Variants in EPHA5 observed in about 807,000 individuals in gnomAD.
EPHA5 encodes the protein ephrin type-A receptor 5.
EPHA5 carries 60 observed loss-of-function variants against 105.0 expected under a neutral mutation model. The observed-to-expected ratio is 0.57, with a 90% CI of 0.46 to 0.71. The LOEUF (loss-of-function observed/expected upper bound fraction) is 0.71, where lower values mean the gene tolerates loss of function less well. EPHA5 is among the 30% of genes least tolerant of loss of function. The pLI is 0.00. For missense variants in EPHA5, 1,218 were observed against 1,274.7 expected (o/e 0.96, Z 0.68); for synonymous variants, 513 against 449.1 (o/e 1.14, Z -1.80).
intron 3 of EPHA5, among the ~76,000 whole-genome samples, chr4:65,499,379 C>A (rs1162402559): frequency 6.6e-6 from 1 of 151,542 alleles, no homozygotes; most frequent in Non-Finnish European, 1.5e-5. Context: ...CAAAACAAAA[C>A]AAACAACAAA....
chr4:65,644,554 G>A (rs1260234056), intron 1 of EPHA5, among the ~76,000 whole-genome samples: 1 of 152,024 alleles, frequency 6.6e-6, no homozygotes, highest in Non-Finnish European at 1.5e-5. Context: ...TTGTGTAAGT[G>A]TAAGCCTAAA....
intron 3 of EPHA5, among the ~76,000 whole-genome samples, chr4:65,593,555 T>G: frequency 6.6e-6 from 1 of 152,224 alleles, no homozygotes; most frequent in East Asian, 1.9e-4. Flanking sequence ...GCTGAGATTC[T>G]TCCTTTCTAA....
At chr4:65,609,173 T>C (rs945427753) in intron 2 of EPHA5, among the ~76,000 whole-genome samples, 10 of 152,204 alleles carry the variant, frequency 6.6e-5, no homozygotes, top group Non-Finnish European at 1.5e-4. Flanking sequence ...GTTTCTGTTT[T>C]AGAAATTCAA....
intron 8 of EPHA5, among the ~76,000 whole-genome samples, chr4:65,368,893 A>G (rs1164140836): frequency 6.6e-6 from 1 of 152,154 alleles, no homozygotes; most frequent in Non-Finnish European, 1.5e-5. Flanking sequence ...TTTCTTCCTA[A>G]CAATTTCCAA....
At chr4:65,390,662 A>G (rs546623991) in intron 8 of EPHA5, among the ~76,000 whole-genome samples, 2 of 152,204 alleles carry the variant, frequency 1.3e-5, no homozygotes, top group African/African-American at 4.8e-5. Context: ...AAATGATAAT[A>G]TGTTATTTAA....
intron 7 of EPHA5, among the ~76,000 whole-genome samples, chr4:65,411,398 T>C (rs1311393540): frequency 2.0e-5 from 3 of 152,060 alleles, no homozygotes; most frequent in Admixed American, 6.6e-5. Flanking sequence ...AAATAAATTA[T>C]ATAAAAATGC....
At chr4:65,630,092 CA>C (rs1160406105) in intron 2 of EPHA5, among the ~76,000 whole-genome samples, 1 of 151,948 alleles carries the variant, frequency 6.6e-6, no homozygotes, top group Non-Finnish European at 1.5e-5. Context: ...CACACACACA[CA>C]CACACACACA....
chr4:65,609,076 G>T (rs1333428628), intron 2 of EPHA5, among the ~76,000 whole-genome samples: 2 of 152,052 alleles, frequency 1.3e-5, no homozygotes, highest in African/African-American at 4.8e-5. Context: ...AAAAAAATGG[G>T]CAATCCATTG....
rs544562279 is a variant in EPHA5 at position 65,546,231 on chromosome 4, A to G, written c.911-50688T>C. Among the ~76,000 whole-genome samples, 4 of 152,112 alleles carry G rather than the reference A, an allele frequency of 2.6e-5. No homozygotes were observed. In the East Asian group the frequency reaches 7.7e-4, roughly 29 times the overall value. ...AGCACTGAGATTCTCAATTCTCATA[A>G]TATTTCAGACACAAAATTCATGGTA... On this transcript the variant is annotated intron_variant, in intron 3 of 16. Coordinates refer to ENST00000613740, the MANE Select transcript of EPHA5 (RefSeq NM_001281766.3).
At chr4:65,473,795 G>C (rs1481620635) in intron 5 of EPHA5, among the ~76,000 whole-genome samples, 1 of 151,952 alleles carries the variant, frequency 6.6e-6, no homozygotes, top group Non-Finnish European at 1.5e-5. Flanking sequence ...CACCCAAGTA[G>C]TGATCATAGT....
chr4:65,606,864 G>T (rs545434367), intron 2 of EPHA5, among the ~76,000 whole-genome samples: 20 of 151,970 alleles, frequency 1.3e-4, no homozygotes, highest in Non-Finnish European at 4.4e-5. Context: ...TAAAAATCTG[G>T]CAAAGAATCA....
chr4:65,505,642 A>G (rs1732934316), intron 3 of EPHA5, among the ~76,000 whole-genome samples: 1 of 152,068 alleles, frequency 6.6e-6, no homozygotes, highest in South Asian at 2.1e-4. Flanking sequence ...AAGTTTTTAG[A>G]GCACCTAAAT....
chr4:65,417,379 C>A (rs1350962417), intron 6 of EPHA5, among the ~76,000 whole-genome samples: 5 of 152,090 alleles, frequency 3.3e-5, no homozygotes, highest in Non-Finnish European at 5.9e-5. Flanking sequence ...ACTCATAATC[C>A]ATTTTTTTTA....
intron 3 of EPHA5, among the ~76,000 whole-genome samples, chr4:65,571,726 G>A (rs1740206354): frequency 1.3e-5 from 2 of 151,940 alleles, no homozygotes; most frequent in Non-Finnish European, 2.9e-5. Flanking sequence ...TTTGTCACAA[G>A]GGGCTTGTTT....
Position 65,376,971 on chromosome 4 carries a change from G to A in EPHA5, c.1794-9547C>T, listed in dbSNP as rs757776163. The A allele has an allele frequency of 7.3e-5, 116 of 1,586,664 alleles. No homozygotes were observed. In the South Asian group the frequency reaches 1.1e-3, roughly 15 times the overall value. ...AATACATATAGGTGGACATCACATAGGAGTGAAAGTGGGAGGGAACACTAA... is the reference window on the plus strand; with the variant it reads ...AATACATATAGGTGGACATCACATAAGAGTGAAAGTGGGAGGGAACACTAA... On this transcript the variant is annotated intron_variant, in intron 8 of 16. Coordinates refer to ENST00000613740, the MANE Select transcript of EPHA5 (RefSeq NM_001281766.3).
chr4:65,597,399 C>A (rs544243882), intron 3 of EPHA5, among the ~76,000 whole-genome samples: 1 of 151,830 alleles, frequency 6.6e-6, no homozygotes, highest in Non-Finnish European at 1.5e-5. Flanking sequence ...CTGTCAAAAA[C>A]ATTCACTTCA....
intron 3 of EPHA5, among the ~76,000 whole-genome samples, chr4:65,542,476 A>C (rs970634715): frequency 6.6e-6 from 1 of 152,102 alleles, no homozygotes; most frequent in African/African-American, 2.4e-5. Context: ...ATCTAGAAGA[A>C]ATGGATAAAT....
At chr4:65,365,264 G>T (rs1717757263) in intron 10 of EPHA5, 62 bp from the exon 11 acceptor site, 2 of 1,367,820 alleles carry the variant, frequency 1.5e-6, no homozygotes, top group Non-Finnish European at 2.1e-6. Flanking sequence ...ATTAACACTT[G>T]TATGCCCTCT....
intron 5 of EPHA5, among the ~76,000 whole-genome samples, chr4:65,426,132 C>A (rs566131512): frequency 1.3e-5 from 2 of 152,244 alleles, no homozygotes; most frequent in East Asian, 3.9e-4. Flanking sequence ...CACTACCCTG[C>A]CTTATGGATT....
Sources: gnomAD v4.1 joint callset for allele counts (sites outside exome capture counted in the v4.1 genomes callset) on GRCh38, gnomAD v4.1.1 for gene constraint, MANE v1.5 for transcripts, NCBI Gene and HGNC (gene_info 2026-07-23, HGNC 2026-07-21) for gene names.